OGDH: variants seen among roughly 807,000 people sequenced by gnomAD.
OGDH encodes oxoglutarate dehydrogenase.
A neutral mutation model predicts 116.6 loss-of-function variants in OGDH; 38 were observed. The observed-to-expected ratio is 0.33, with a 90% CI of 0.25 to 0.43. The LOEUF (loss-of-function observed/expected upper bound fraction) is 0.43, where lower values mean the gene tolerates loss of function less well. Among genes scored for constraint, OGDH ranks in the 20% least tolerant of loss-of-function variants. The pLI, the probability that OGDH is intolerant of heterozygous loss-of-function variation, is 1.00. For missense variants in OGDH, 825 were observed against 1,357.2 expected (o/e 0.61, Z 6.16); for synonymous variants, 488 against 533.3 (o/e 0.92, Z 1.17).
chr7:44,685,255 A>C (rs917281857), intron 10 of OGDH, among the ~76,000 whole-genome samples: 9 of 152,176 alleles, frequency 5.9e-5, no homozygotes, highest in African/African-American at 1.9e-4. Flanking sequence ...CCCATTCAAC[A>C]TGAACTCCGA....
At position 44,675,273 on chromosome 7, in the gene OGDH, G is replaced by A. The variant is rs1368479611; in HGVS notation, c.1026+5G>A. On this transcript the variant is annotated splice_donor_5th_base_variant and intron_variant, in intron 8 of 22. Coordinates refer to ENST00000222673, the MANE Select transcript of OGDH (RefSeq NM_002541.4). ...AAGCTGGAGGCAGCTGATGAGGTGA[G>A]GCACCTGCATAGAGACACATCCAGC... 6.2e-7 allele frequency: 1 copy of A among 1,612,374 alleles called. No homozygotes were observed. Among genetic ancestry groups the A allele is most frequent in the Non-Finnish European group, 8.5e-7 (1 of 1,178,540 alleles).
intron 4 of OGDH, 44 bp downstream of exon 4, chr7:44,647,803 C>T (rs370313995): frequency 2.0e-5 from 29 of 1,447,822 alleles, no homozygotes; most frequent in Non-Finnish European, 2.4e-5. Flanking sequence ...GAGCTCCTCT[C>T]GCTGTGCCAC....
In OGDH at chr7:44,695,917, G is replaced by T. The variant is rs892564754; in HGVS notation, c.1669-108G>T. 6.0e-6 allele frequency: 4 copies of T among 665,642 alleles called. No homozygotes were observed. The Admixed American group carries it at 8.5e-5, about 14-fold the overall frequency. The allele number at this position is 665,642 out of a possible 1,614,324, so 41.2% of individuals were successfully genotyped here. A position where few individuals can be genotyped will look rare whatever the true frequency, so the allele number is the denominator to read the frequency against. On this transcript the variant is annotated intron_variant, in intron 12 of 22. Coordinates refer to ENST00000222673, the MANE Select transcript of OGDH (RefSeq NM_002541.4). The stretch of plus-strand genomic sequence containing the variant: ...GGCATGCACGGGAGTTGTGCCAGGG[G>T]TATGGTTGGGCTTGCGTGGTGGCTG...
At chr7:44,656,306 T>C in intron 4 of OGDH, 1 of 1,535,930 alleles carries the variant, frequency 6.5e-7, no homozygotes, top group Non-Finnish European at 8.7e-7. Context: ...GATACCCCAC[T>C]CTGCCTCTCA....
At chr7:44,634,947 C>T (rs1474440740) in intron 2 of OGDH, among the ~76,000 whole-genome samples, 1 of 152,210 alleles carries the variant, frequency 6.6e-6, no homozygotes, top group Non-Finnish European at 1.5e-5. Context: ...CCTGTTTGGA[C>T]ATACAGGGTA....
chr7:44,662,151 A>G (rs1253690402), intron 4 of OGDH, among the ~76,000 whole-genome samples: 2 of 152,208 alleles, frequency 1.3e-5, no homozygotes, highest in Non-Finnish European at 2.9e-5. Context: ...AACATAATTT[A>G]GAAGACCCAA....
intron 20 of OGDH, among the ~76,000 whole-genome samples, chr7:44,701,841 G>A (rs568634524): frequency 4.6e-5 from 7 of 152,254 alleles, no homozygotes; most frequent in East Asian, 1.9e-4. Context: ...TCAGGAGTTC[G>A]AGGGCAGATC....
At chr7:44,683,849 A>G (rs1190735210) in intron 10 of OGDH, among the ~76,000 whole-genome samples, 1 of 152,150 alleles carries the variant, frequency 6.6e-6, no homozygotes, top group Admixed American at 6.5e-5. Context: ...GGTTCCCCTC[A>G]TCGATGCGTG....
intron 20 of OGDH, among the ~76,000 whole-genome samples, chr7:44,705,410 T>C (rs1447298475): frequency 6.6e-6 from 1 of 152,224 alleles, no homozygotes; most frequent in Non-Finnish European, 1.5e-5. Context: ...GCCTGTGACT[T>C]TGGTGTCATA....
intron 12 of OGDH, among the ~76,000 whole-genome samples, chr7:44,695,064 G>A (rs1004860979): frequency 6.6e-6 from 1 of 152,112 alleles, no homozygotes; most frequent in African/African-American, 2.4e-5. Context: ...AGCCTATGCT[G>A]GAGACAGAGC....
At chr7:44,647,781 G>T in intron 4 of OGDH, 22 bp downstream of exon 4, 3 of 1,592,470 alleles carry the variant, frequency 1.9e-6, no homozygotes, top group Non-Finnish European at 2.6e-6. Flanking sequence ...AGAGCAGTCA[G>T]CTGCGTTGCT....
intron 1 of OGDH, among the ~76,000 whole-genome samples, chr7:44,619,423 TC>T (rs2117265679): frequency 6.6e-6 from 1 of 152,272 alleles, no homozygotes; most frequent in African/African-American, 2.4e-5. Flanking sequence ...TAGGGAGAAT[TC>T]CCCACACATT....
rs570561957 is a variant in OGDH, at chr7:44,625,604, C to G, written c.222+1039C>G. Among the ~76,000 whole-genome samples, 25 of 152,314 alleles carry G rather than the reference C, an allele frequency of 1.6e-4. No individual in the cohort carries two copies. In the South Asian group the frequency reaches 5.0e-3, roughly 30 times the overall value. ...GCGTTTCTAAGCTCCTGTGCCTCAT[C>G]TGTAGGTGGTTGAGAGAATGAAAGG... is the stretch of plus-strand genomic sequence containing the variant. On this transcript the variant is annotated intron_variant, in intron 2 of 22. Coordinates refer to ENST00000222673, the MANE Select transcript of OGDH (RefSeq NM_002541.4).
In OGDH at chr7:44,645,311, C is replaced by T. The variant is rs1786121031; in HGVS notation, c.223-16C>T. 1 of 1,611,892 alleles carries T rather than the reference C, an allele frequency of 6.2e-7. No individual in the cohort carries two copies. The highest frequency in any genetic ancestry group is 1.7e-5 in the Admixed American group (1 of 59,924). On this transcript the variant is annotated splice_polypyrimidine_tract_variant and intron_variant, in intron 2 of 22. Coordinates refer to ENST00000222673, the MANE Select transcript of OGDH (RefSeq NM_002541.4). ...AGGGGAGCAGTGAGGTAACCCTGTA[C>T]CTTCTTTGTCTTTAGTCATGGGACA...
Position 44,681,761 on chromosome 7 carries a change from CCAG to C in OGDH, c.1249_1251del (p.Gln417del). The C allele has an allele frequency of 6.2e-7, 1 of 1,614,100 alleles. No individual in the cohort carries two copies. Among genetic ancestry groups the C allele is most frequent in the Non-Finnish European group, 8.5e-7 (1 of 1,180,020 alleles). ...TGCATGGGGATGCTGCATTTGCTGG[CCAG>C]GGCATTGTGTACGAGACCTTCCACC... On this transcript the variant is annotated inframe_deletion, in exon 10 of 23. Transcript: ENST00000222673.
intron 2 of OGDH, among the ~76,000 whole-genome samples, chr7:44,644,656 AC>A (rs1786090585): frequency 6.6e-6 from 1 of 152,086 alleles, no homozygotes; most frequent in African/African-American, 2.4e-5. Flanking sequence ...TCCATCTCTG[AC>A]CCCACACTTT....
intron 3 of OGDH, among the ~76,000 whole-genome samples, chr7:44,646,116 AT>A (rs143773833): frequency 6.6e-5 from 10 of 152,286 alleles, no homozygotes; most frequent in African/African-American, 2.4e-4. Flanking sequence ...CCAGAGCACA[AT>A]AACCAAAGTT....
intron 8 of OGDH, among the ~76,000 whole-genome samples, chr7:44,675,488 C>T (rs1194066091): frequency 6.6e-6 from 1 of 152,162 alleles, no homozygotes; most frequent in East Asian, 1.9e-4. Context: ...AGGGGTGTGT[C>T]CCCTCTGGCT....
At chr7:44,648,092 G>A (rs962289548) in intron 4 of OGDH, among the ~76,000 whole-genome samples, 10 of 152,184 alleles carry the variant, frequency 6.6e-5, no homozygotes, top group Admixed American at 2.6e-4. Flanking sequence ...TCAAATGTCA[G>A]TGCAGCACTG....
Sources: allele counts gnomAD v4.1 joint callset (sites outside exome capture counted in the v4.1 genomes callset), GRCh38; gene constraint gnomAD v4.1.1; transcripts MANE v1.5; gene names NCBI Gene and HGNC (gene_info 2026-07-23, HGNC 2026-07-21).